Variants in LRP1B observed in about 807,000 individuals in gnomAD.
LRP1B encodes LDL receptor related protein 1B, also known as low-density lipoprotein receptor-related protein 1B.
Under a neutral mutation model 556.6 loss-of-function variants are expected in LRP1B, and 217 were observed. The ratio of observed to expected loss-of-function variants is 0.39; its 90% confidence interval spans 0.35 to 0.44. LRP1B has a LOEUF of 0.44. LRP1B is among the 20% of genes least tolerant of loss of function. The probability of loss-of-function intolerance (pLI) is 1.00; values close to 1 mark genes in which losing one functional copy is unlikely to be tolerated. For missense variants in LRP1B, 5,053 were observed against 5,620.8 expected, an observed-to-expected ratio of 0.90 and a Z score of 3.23; for synonymous variants, 2,047 against 1,865.8, an observed-to-expected ratio of 1.10 and a Z score of -2.50.
intron 35 of LRP1B, among the ~76,000 whole-genome samples, chr2:140,742,427 C>T (rs188235991): frequency 1.3e-5 from 2 of 152,184 alleles, no homozygotes; most frequent in African/African-American, 4.8e-5. Flanking sequence ...AAAAATAAAT[C>T]ATTCTGTAAT....
chr2:141,778,140 T>A (rs1203264268), intron 2 of LRP1B, among the ~76,000 whole-genome samples: 1 of 152,202 alleles, frequency 6.6e-6, no homozygotes, highest in Non-Finnish European at 1.5e-5. Flanking sequence ...TTAAGTTTGC[T>A]GTTATTAATA....
intron 11 of LRP1B, among the ~76,000 whole-genome samples, chr2:141,021,145 T>C (rs1698053428): frequency 6.6e-6 from 1 of 151,996 alleles, no homozygotes; most frequent in South Asian, 2.1e-4. Context: ...CAATAGGTAG[T>C]ATATATTAGA....
intron 84 of LRP1B, among the ~76,000 whole-genome samples, chr2:140,293,528 A>G (rs1216045716): frequency 6.6e-6 from 1 of 152,170 alleles, no homozygotes; most frequent in Non-Finnish European, 1.5e-5. Flanking sequence ...TACTCAGCAC[A>G]ACTAAGAGCT....
chr2:140,827,306 T>C (rs897935952), intron 31 of LRP1B, among the ~76,000 whole-genome samples: 1 of 152,040 alleles, frequency 6.6e-6, no homozygotes, highest in Non-Finnish European at 1.5e-5. Flanking sequence ...AGACAGCAAT[T>C]TGTGAGCTCT....
At chr2:140,291,320 T>TATATATATGTATATATA (rs745524571) in intron 84 of LRP1B, among the ~76,000 whole-genome samples, 1 of 51,856 alleles carries the variant, frequency 1.9e-5, no homozygotes, top group Non-Finnish European at 3.9e-5. Context: ...ATATATATAT[T>TATATATATGTATATATA]TTTATTATAC....
intron 47 of LRP1B, among the ~76,000 whole-genome samples, chr2:140,533,170 T>C (rs1327838406): frequency 6.6e-6 from 1 of 151,934 alleles, no homozygotes; most frequent in Non-Finnish European, 1.5e-5. Flanking sequence ...AAACTTATCA[T>C]TTATTCAGCA....
chr2:140,924,635 A>G (rs1694835645), intron 20 of LRP1B, among the ~76,000 whole-genome samples: 1 of 152,152 alleles, frequency 6.6e-6, no homozygotes, highest in Non-Finnish European at 1.5e-5. Flanking sequence ...ACTAATTTTC[A>G]AAAGTGACCA....
At chr2:140,313,172 AATT>A (rs1169615519) in intron 83 of LRP1B, among the ~76,000 whole-genome samples, 10 of 151,936 alleles carry the variant, frequency 6.6e-5, no homozygotes, top group African/African-American at 2.4e-4. Context: ...CATATCATAT[AATT>A]ATTATTAGAT....
chr2:141,523,276 T>C (rs1684587133), intron 2 of LRP1B, among the ~76,000 whole-genome samples: 1 of 152,082 alleles, frequency 6.6e-6, no homozygotes, highest in African/African-American at 2.4e-5. Flanking sequence ...TATTTTAAAT[T>C]GAGTCTTGAG....
At chr2:141,090,099 C>A (rs1700139537) in intron 7 of LRP1B, among the ~76,000 whole-genome samples, 1 of 152,160 alleles carries the variant, frequency 6.6e-6, no homozygotes, top group African/African-American at 2.4e-5. Flanking sequence ...GCCAGCAGGA[C>A]ATACTTGATT....
intron 1 of LRP1B, among the ~76,000 whole-genome samples, chr2:142,066,238 T>C (rs1055131116): frequency 2.0e-5 from 3 of 150,772 alleles, no homozygotes; most frequent in Non-Finnish European, 4.5e-5. Flanking sequence ...TTATGTGCCA[T>C]TAAAGTAAGC....
intron 31 of LRP1B, among the ~76,000 whole-genome samples, chr2:140,821,275 GAATTA>G (rs567641726): frequency 1.2e-3 from 186 of 152,066 alleles, no homozygotes; most frequent in Non-Finnish European, 1.7e-3. Context: ...AATAACATTT[GAATTA>G]AATGAGTAAA....
intron 41 of LRP1B, among the ~76,000 whole-genome samples, chr2:140,691,468 C>T (rs1490005742): frequency 1.3e-4 from 18 of 134,814 alleles, no homozygotes; most frequent in East Asian, 6.6e-4. Flanking sequence ...GCCTGGGCAA[C>T]GAGAGCAAAA....
At chr2:141,756,444 G>A (rs1037870938) in intron 2 of LRP1B, among the ~76,000 whole-genome samples, 1 of 151,700 alleles carries the variant, frequency 6.6e-6, no homozygotes, top group African/African-American at 2.4e-5. Context: ...TTATTTGAGG[G>A]TTAAGTTTCA....
At chr2:141,040,049 T>C (rs1349776946) in intron 11 of LRP1B, among the ~76,000 whole-genome samples, 2 of 152,072 alleles carry the variant, frequency 1.3e-5, no homozygotes, top group African/African-American at 2.4e-5. Flanking sequence ...GTGATAACAA[T>C]ATTCATTGAT....
chr2:141,401,575 G>T (rs989159039), intron 3 of LRP1B, among the ~76,000 whole-genome samples: 1 of 152,112 alleles, frequency 6.6e-6, no homozygotes, highest in African/African-American at 2.4e-5. Flanking sequence ...AGCAATGCAT[G>T]CATCACCAGA....
At chr2:141,567,278 C>A (rs1369320139) in intron 2 of LRP1B, among the ~76,000 whole-genome samples, 2 of 151,838 alleles carry the variant, frequency 1.3e-5, no homozygotes, top group African/African-American at 4.8e-5. Flanking sequence ...CTGAAGACAA[C>A]ATTATCCAAG....
In LRP1B at chr2:140,358,082, C is replaced by G. The variant is rs1270360116; in HGVS notation, c.11292G>C (p.Lys3764Asn). 6.2e-7 allele frequency: 1 copy of G among 1,611,174 alleles called. No homozygotes were observed. Among genetic ancestry groups the G allele is most frequent in the Non-Finnish European group, 8.5e-7 (1 of 1,178,222 alleles). The change falls in exon 74 of 91, where the codon AAG (lysine) becomes AAC (asparagine). Residue 3764 changes from lysine to asparagine, a missense_variant. Lys to Asn is a moderately conservative substitution (Grantham distance 94, BLOSUM62 0). Coordinates refer to ENST00000389484, the MANE Select transcript of LRP1B (RefSeq NM_018557.3). ...TTTTATTACTACAAGCAAACTCATCCTTTTTACAAGGCCTTGCTTTATATG... is the reference window on the plus strand; with the variant it reads ...TTTTATTACTACAAGCAAACTCATCGTTTTTACAAGGCCTTGCTTTATATG... The part of the protein sequence containing the change: ...KLTYKARPCK[K>N]DEFACSNKKC...
intron 4 of LRP1B, 111 bp from the exon 5 acceptor site, chr2:141,247,465 C>T: frequency 1.6e-6 from 2 of 1,230,602 alleles, no homozygotes; most frequent in Non-Finnish European, 2.3e-6. Flanking sequence ...TAAGGAAAAG[C>T]CAATTCCAAT....
Sources: allele counts gnomAD v4.1 joint callset (sites outside exome capture counted in the v4.1 genomes callset), GRCh38; gene constraint gnomAD v4.1.1; transcripts MANE v1.5; gene names NCBI Gene and HGNC (gene_info 2026-07-23, HGNC 2026-07-21).